TMEM184B: variants seen among roughly 807,000 people sequenced by gnomAD.
TMEM184B encodes putative MAPK-activating protein FM08.
TMEM184B carries 17 observed loss-of-function variants against 41.8 expected under a neutral mutation model. The observed-to-expected ratio is 0.41, with a 90% CI of 0.28 to 0.61. TMEM184B has a LOEUF of 0.61. Ranked by LOEUF, TMEM184B falls within the 20% of genes least tolerant of loss-of-function variation. The pLI is 0.34. For synonymous variants in TMEM184B, 240 were observed against 229.5 expected (o/e 1.05, Z -0.41); for missense variants, 393 against 557.8 (o/e 0.70, Z 2.98).
intron 3 of TMEM184B, among the ~76,000 whole-genome samples, chr22:38,238,735 C>A (rs776321459): frequency 1.3e-5 from 2 of 152,198 alleles, no homozygotes; most frequent in African/African-American, 2.4e-5. Context: ...CACACTTTTC[C>A]AGGGGAGAAA....
chr22:38,244,810 G>C (rs2091988635), intron 3 of TMEM184B, among the ~76,000 whole-genome samples: 1 of 152,178 alleles, frequency 6.6e-6, no homozygotes, highest in Non-Finnish European at 1.5e-5. Flanking sequence ...CCTGTCTAGG[G>C]CAGACCTGGG....
intron 3 of TMEM184B, among the ~76,000 whole-genome samples, chr22:38,242,982 A>C (rs750721629): frequency 6.0e-5 from 9 of 149,626 alleles, no homozygotes; most frequent in Non-Finnish European, 1.3e-4. Context: ...GAATCACTTG[A>C]ACCTAGGAGG....
intron 8 of TMEM184B, among the ~76,000 whole-genome samples, chr22:38,224,524 A>G (rs570472452): frequency 2.0e-4 from 30 of 152,366 alleles, no homozygotes; most frequent in African/African-American, 7.2e-4. Flanking sequence ...TATTCATTAC[A>G]GTCTCTGTCT....
chr22:38,247,816 A>G lies in TMEM184B; in HGVS notation c.146T>C (p.Ile49Thr). The change falls in exon 2 of 9, where the codon ATC becomes ACC. Residue 49 changes from isoleucine to threonine, a missense_variant. This residue lies in a region of TMEM184B where 122 missense variants were observed against 123.7 expected (regional missense o/e 0.99). Transcript: ENST00000361906. The stretch of plus-strand genomic sequence containing the variant: ...GGCCGTCCACACGAAGAAGCCAGAG[A>G]TGGCCTGAGCGGCAGTTGTCATCAG... The part of the protein sequence containing the change: ...VFLMTTAAQA[I>T]SGFFVWTALL... 3 of 1,614,066 alleles carry G rather than the reference A, an allele frequency of 1.9e-6. No homozygotes were observed. The highest frequency in any genetic ancestry group is 2.5e-6 in the Non-Finnish European group (3 of 1,180,018).
In TMEM184B at chr22:38,226,877, G is replaced by A. The variant is rs765888735; in HGVS notation, c.526-7C>T. On this transcript the variant is annotated splice_polypyrimidine_tract_variant and splice_region_variant and intron_variant, in intron 5 of 8. Transcript: ENST00000361906. The surrounding 1 kb of genome is among the most constrained non-coding windows in gnomAD (Gnocchi z 4.6). ...CACAGAACTGCAGGGTGGCCTGTTGGGGGGAAAAGGAGGTTGAGTGTGGAG... is the reference window on the plus strand; with the variant it reads ...CACAGAACTGCAGGGTGGCCTGTTGAGGGGAAAAGGAGGTTGAGTGTGGAG... The A allele has an allele frequency of 1.9e-6, 3 of 1,580,426 alleles. No individual in the cohort carries two copies. The highest frequency in any genetic ancestry group is 1.8e-5 in the Admixed American group (1 of 54,408).
At chr22:38,253,558 A>C (rs1390616708) in intron 1 of TMEM184B, among the ~76,000 whole-genome samples, 5 of 152,088 alleles carry the variant, frequency 3.3e-5, no homozygotes, top group South Asian at 4.1e-4. Context: ...GCAACAGAGC[A>C]AGACTCCATC....
chr22:38,231,946 ACCTCTGAACAGCCACTGCACT>A (rs2091639481), intron 3 of TMEM184B: 1 of 184,192 alleles, frequency 5.4e-6, no homozygotes, highest in African/African-American at 2.4e-5. Flanking sequence ...GTGGGATCGC[ACCTCTGAACAGCCACTGCACT>A]CCAGCCTGGG....
chr22:38,227,011 C>A, intron 5 of TMEM184B, 141 bp from the exon 6 acceptor site: 2 of 730,112 alleles, frequency 2.7e-6, no homozygotes, highest in Non-Finnish European at 4.3e-6. Context: ...GATGGAGGGA[C>A]GGAGGGGATG....
chr22:38,231,385 G>A (rs748380845), intron 3 of TMEM184B, 51 bp from the exon 4 acceptor site: 21 of 1,421,554 alleles, frequency 1.5e-5, no homozygotes, highest in Middle Eastern at 1.8e-4. Flanking sequence ...GAATGGGTCC[G>A]CAGATGCTGG....
At chr22:38,246,178 C>T (rs2092026264) in intron 2 of TMEM184B, 78 bp from the exon 3 acceptor site, 1 of 1,532,282 alleles carries the variant, frequency 6.5e-7, no homozygotes, top group Non-Finnish European at 8.8e-7. Context: ...TCCAGCTCTG[C>T]CACCGACTCA....
intron 1 of TMEM184B, among the ~76,000 whole-genome samples, chr22:38,264,902 G>A (rs2092422610): frequency 6.6e-6 from 1 of 152,228 alleles, no homozygotes; most frequent in South Asian, 2.1e-4. Flanking sequence ...CACTGACTGA[G>A]ACGGCCAGGC....
intron 1 of TMEM184B, among the ~76,000 whole-genome samples, chr22:38,252,692 C>T (rs951859644): frequency 6.6e-6 from 1 of 152,178 alleles, no homozygotes; most frequent in African/African-American, 2.4e-5. Context: ...CATAACCAGG[C>T]TTCTGCTGTG....
chr22:38,267,494 G>A (rs912479144), intron 1 of TMEM184B, among the ~76,000 whole-genome samples: 5 of 150,222 alleles, frequency 3.3e-5, no homozygotes, highest in Non-Finnish European at 5.9e-5. Context: ...GTGCAATGGC[G>A]TAGTCTCAGC....
downstream of TMEM184B, among the ~76,000 whole-genome samples, chr22:38,217,640 T>A: frequency 6.8e-6 from 1 of 146,876 alleles, no homozygotes; most frequent in African/African-American, 2.5e-5. Flanking sequence ...AGACTCCGTC[T>A]CAAAAAAAAA....
At position 38,239,232 on chromosome 22, in the gene TMEM184B, C is replaced by T. The variant is rs747977693; in HGVS notation, c.358+6703G>A. Reference sequence around the variant, plus strand: ...TGCCAGCACTATGAATTCCAGCCCTCGCAGATGGTACGTGGCACTAAGCCC... The same window carrying T: ...TGCCAGCACTATGAATTCCAGCCCTTGCAGATGGTACGTGGCACTAAGCCC... On this transcript the variant is annotated intron_variant, in intron 3 of 8. Coordinates refer to ENST00000361906, the MANE Select transcript of TMEM184B (RefSeq NM_012264.5). The surrounding 1 kb of genome is among the most constrained non-coding windows in gnomAD (Gnocchi z 4.6). Among the ~76,000 whole-genome samples, 10 of 152,198 alleles carry T rather than the reference C, an allele frequency of 6.6e-5. No individual in the cohort carries two copies. The highest frequency in any genetic ancestry group is 1.3e-4 in the Non-Finnish European group (9 of 68,036).
At chr22:38,254,753 C>G (rs931156812) in intron 1 of TMEM184B, among the ~76,000 whole-genome samples, 1 of 151,910 alleles carries the variant, frequency 6.6e-6, no homozygotes, top group Non-Finnish European at 1.5e-5. Flanking sequence ...CTGACAATAT[C>G]AAATGCTGGC....
chr22:38,262,727 G>A (rs1000024834), intron 1 of TMEM184B, among the ~76,000 whole-genome samples: 10 of 152,170 alleles, frequency 6.6e-5, no homozygotes, highest in African/African-American at 2.2e-4. Context: ...ACCGGGGGTC[G>A]TATTTACCAA....
At chr22:38,238,345 C>T (rs1436000412) in intron 3 of TMEM184B, among the ~76,000 whole-genome samples, 1 of 151,736 alleles carries the variant, frequency 6.6e-6, no homozygotes, top group East Asian at 1.9e-4. Context: ...CCTGCCTCAG[C>T]CTCCTGAGTA....
In TMEM184B at chr22:38,220,121, G is replaced by A. The variant is rs2091218893; in HGVS notation, c.*1348C>T. ...AAATGCCAGGACACTTTGCCTGTAG[G>A]GACACGTGTTGTGACACGAGGCTCT... On this transcript the variant is annotated 3_prime_UTR_variant, in exon 9 of 9. Transcript: ENST00000361906. The A allele has an allele frequency of 3.0e-6, 3 of 985,410 alleles. No homozygotes were observed. In the African/African-American group the frequency reaches 5.2e-5, roughly 17 times the overall value. The allele number at this position is 985,410 out of a possible 1,614,324, so 61.0% of individuals were successfully genotyped here. A position where few individuals can be genotyped will look rare whatever the true frequency, so the allele number is the denominator to read the frequency against.
Sources: allele counts gnomAD v4.1 joint callset (sites outside exome capture counted in the v4.1 genomes callset), GRCh38; gene constraint gnomAD v4.1.1; regional missense constraint gnomAD v4.1.1; non-coding constraint Gnocchi (gnomAD v3.1); transcripts MANE v1.5; gene names NCBI Gene and HGNC (gene_info 2026-07-23, HGNC 2026-07-21).